AP1B1: variants seen among roughly 807,000 people sequenced by gnomAD.
AP1B1 encodes adaptor related protein complex 1 subunit beta 1.
AP1B1 carries 36 observed loss-of-function variants against 104.3 expected under a neutral mutation model. The observed-to-expected ratio is 0.35, with a 90% CI of 0.26 to 0.46. The LOEUF (loss-of-function observed/expected upper bound fraction) is 0.46, where lower values mean the gene tolerates loss of function less well. Ranked by LOEUF, AP1B1 falls within the 20% of genes least tolerant of loss-of-function variation. The pLI, the probability that AP1B1 is intolerant of heterozygous loss-of-function variation, is 1.00. For synonymous variants in AP1B1, 504 were observed against 517.5 expected (o/e 0.97, Z 0.35); for missense variants, 901 against 1,247.9 (o/e 0.72, Z 4.19).
At chr22:29,341,846 G>A (rs529466787) in intron 12 of AP1B1, 86 bp from the exon 13 acceptor site, 336 of 1,473,076 alleles carry the variant, frequency 2.3e-4, no homozygotes, top group Non-Finnish European at 2.6e-4. Context: ...AGCCAGGTGC[G>A]GCACAGGGGT....
At chr22:29,386,367 A>C (rs1188740952) in intron 1 of AP1B1, among the ~76,000 whole-genome samples, 1 of 152,044 alleles carries the variant, frequency 6.6e-6, no homozygotes, top group African/African-American at 2.4e-5. Flanking sequence ...CTCAGGGTGA[A>C]GCCTCCACTG....
Position 29,340,788 on chromosome 22 carries a change from G to A in AP1B1, c.1866C>T (p.Ile622=). The change falls in exon 14 of 23, where the codon ATC becomes ATT. Residue 622 remains isoleucine (I), a synonymous_variant. Transcript: ENST00000357586. The part of the protein sequence containing the change: ...GAPPGEQPDV[I]PAQGDLLGDL... ...CACCCAGCAGGTCGCCCTGGGCGGG[G>A]ATGACATCTGGCTGCTCCCCAGGAG... 6.2e-7 allele frequency: 1 copy of A among 1,600,678 alleles called. No homozygotes were observed. Among genetic ancestry groups the A allele is most frequent in the Non-Finnish European group, 8.5e-7 (1 of 1,174,964 alleles).
chr22:29,362,039 G>A (rs146438868), intron 3 of AP1B1, among the ~76,000 whole-genome samples: 1 of 152,004 alleles, frequency 6.6e-6, no homozygotes, highest in African/African-American at 2.4e-5. Flanking sequence ...TGATCCACCC[G>A]CCTCGGCCTC....
chr22:29,335,960 C>T (rs935349543), intron 16 of AP1B1, among the ~76,000 whole-genome samples: 2 of 152,158 alleles, frequency 1.3e-5, no homozygotes, highest in African/African-American at 4.8e-5. Context: ...TCTCCAGGGG[C>T]CCCCCAATCA....
At chr22:29,329,040 G>C in intron 22 of AP1B1, 145 bp from the exon 23 acceptor site, 1 of 1,451,606 alleles carries the variant, frequency 6.9e-7, no homozygotes, top group Admixed American at 2.4e-5. Context: ...GCACAGATGT[G>C]AGGTAAAGCG....
At chr22:29,368,123 A>C (rs1313290540) in intron 1 of AP1B1, among the ~76,000 whole-genome samples, 2 of 152,016 alleles carry the variant, frequency 1.3e-5, no homozygotes. Flanking sequence ...CATGGTAAAA[A>C]CCATCTCTAC....
chr22:29,377,556 A>C (rs1334901382), intron 1 of AP1B1, among the ~76,000 whole-genome samples: 6 of 152,116 alleles, frequency 3.9e-5, no homozygotes, highest in Admixed American at 3.9e-4. Context: ...CACATCTATA[A>C]TCCCAGCACT....
intron 6 of AP1B1, among the ~76,000 whole-genome samples, chr22:29,355,820 G>A (rs2061947861): frequency 1.3e-5 from 2 of 151,204 alleles, no homozygotes; most frequent in African/African-American, 4.9e-5. Flanking sequence ...CCTGCAGGTT[G>A]GGGCTGCAGC....
At chr22:29,331,668 C>T in intron 18 of AP1B1, 119 bp downstream of exon 18, 1 of 1,591,714 alleles carries the variant, frequency 6.3e-7, no homozygotes, top group South Asian at 1.1e-5. Context: ...CAACCTGGGC[C>T]TCCCCAACAC....
chr22:29,387,305 C>CTTTTT (rs1014176421), intron 1 of AP1B1, among the ~76,000 whole-genome samples: 7 of 128,066 alleles, frequency 5.5e-5, no homozygotes, highest in Admixed American at 7.9e-5. Flanking sequence ...AGCTAAAAAT[C>CTTTTT]TTTTTTTTTT....
chr22:29,344,514 A>AT (rs35466454), intron 11 of AP1B1, among the ~76,000 whole-genome samples: 4,119 of 93,804 alleles, frequency 0.044, 511 homozygotes, highest in African/African-American at 0.099. Flanking sequence ...CCTGGCCAAG[A>AT]TTTTTTTTTT....
Position 29,327,708 on chromosome 22 carries a change from C to T in AP1B1, c.*1113G>A, listed in dbSNP as rs1167295624. ...ATGTCATCATTTTTATTCATTTTCTCTTTCTGAAAATAAGAGTAAACATAC... is the reference window on the plus strand; with the variant it reads ...ATGTCATCATTTTTATTCATTTTCTTTTTCTGAAAATAAGAGTAAACATAC... On this transcript the variant is annotated 3_prime_UTR_variant, in exon 23 of 23. Transcript: ENST00000357586. The T allele has an allele frequency of 6.6e-6, 1 of 152,152 alleles. No homozygotes were observed. The highest frequency in any genetic ancestry group is 6.5e-5 in the Admixed American group (1 of 15,280). 9.4% of individuals were successfully genotyped at this position (152,152 alleles called of 1,614,324 possible). A position where few individuals can be genotyped will look rare whatever the true frequency, so the allele number is the denominator to read the frequency against.
At chr22:29,387,154 C>G (rs1441077743) in intron 1 of AP1B1, among the ~76,000 whole-genome samples, 2 of 152,218 alleles carry the variant, frequency 1.3e-5, no homozygotes, top group East Asian at 3.8e-4. Context: ...ATCTTAGACT[C>G]TTGCCCTGAA....
chr22:29,352,160 G>A (rs1056954578), intron 7 of AP1B1, among the ~76,000 whole-genome samples: 1 of 152,216 alleles, frequency 6.6e-6, no homozygotes, highest in Admixed American at 6.5e-5. Context: ...GTGACCTCAG[G>A]CCTGTTTCCT....
chr22:29,370,224 G>A (rs563975684), intron 1 of AP1B1, among the ~76,000 whole-genome samples: 2 of 151,956 alleles, frequency 1.3e-5, no homozygotes, highest in African/African-American at 4.8e-5. Context: ...AGGCTGAGGT[G>A]GGCAGATTGC....
intron 11 of AP1B1, among the ~76,000 whole-genome samples, chr22:29,344,842 T>C (rs1172907076): frequency 6.6e-6 from 1 of 151,978 alleles, no homozygotes; most frequent in Non-Finnish European, 1.5e-5. Context: ...CTGCTGTCCA[T>C]GGCTAGAGAG....
intron 16 of AP1B1, 57 bp downstream of exon 16, chr22:29,338,933 A>G (rs1446124612): frequency 3.7e-6 from 6 of 1,604,414 alleles, no homozygotes; most frequent in East Asian, 2.2e-5. Flanking sequence ...AGGAGCCCAC[A>G]TGCCAGTCTC....
rs200470279 is a variant in AP1B1, at chr22:29,386,535, C to G, written c.-28+1889G>C. On this transcript the variant is annotated intron_variant, in intron 1 of 22. Coordinates refer to ENST00000357586, the MANE Select transcript of AP1B1 (RefSeq NM_001127.4). Reference sequence around the variant, plus strand: ...AGAAGCTCTGAGCTCTGCTCATGTTCCTACCCTCTGTGACAAGTTGCTTCA... The same window carrying G: ...AGAAGCTCTGAGCTCTGCTCATGTTGCTACCCTCTGTGACAAGTTGCTTCA... 3.3e-5 allele frequency among the ~76,000 whole-genome samples: 5 copies of G among 152,148 alleles called. No individual in the cohort carries two copies. In the East Asian group the frequency reaches 9.6e-4, roughly 29 times the overall value.
At chr22:29,383,685 C>T (rs1203990120) in intron 1 of AP1B1, among the ~76,000 whole-genome samples, 3 of 128,894 alleles carry the variant, frequency 2.3e-5, no homozygotes, top group Admixed American at 7.5e-5. Flanking sequence ...CTCCAGACTC[C>T]GTCTCAAAAA....
Sources: gnomAD v4.1 joint callset for allele counts (sites outside exome capture counted in the v4.1 genomes callset) on GRCh38, gnomAD v4.1.1 for gene constraint, MANE v1.5 for transcripts, NCBI Gene and HGNC (gene_info 2026-07-23, HGNC 2026-07-21) for gene names.